CEP78: variants seen among roughly 807,000 people sequenced by gnomAD.
CEP78 encodes the protein centrosomal protein 78.
CEP78 carries 76 observed loss-of-function variants against 81.2 expected under a neutral mutation model. That is an observed-to-expected ratio of 0.94 (90% CI 0.78 to 1.13). CEP78 has a LOEUF of 1.13. Ranked by LOEUF, CEP78 falls within the 50% of genes most tolerant of loss-of-function variation. The pLI, the probability that CEP78 is intolerant of heterozygous loss-of-function variation, is 0.00. For synonymous variants in CEP78, 293 were observed against 301.4 expected (o/e 0.97, Z 0.29); for missense variants, 918 against 846.8 (o/e 1.08, Z -1.04).
chr9:78,268,596 C>T (rs1361515160), intron 16 of CEP78, among the ~76,000 whole-genome samples: 8 of 152,002 alleles, frequency 5.3e-5, no homozygotes, highest in Admixed American at 5.2e-4. Flanking sequence ...GGGACTTATC[C>T]TCCCAATTCC....
Position 78,236,406 on chromosome 9 carries a change from A to G in CEP78, c.56A>G (p.Tyr19Cys), listed in dbSNP as rs945109292. Residue 19 changes from tyrosine (Y) to cysteine (C), a missense_variant, in exon 1 of 17, where the codon TAC becomes TGC. Physicochemically the swap from Tyr to Cys is radical, Grantham distance 194 (BLOSUM62 -2). Coordinates refer to ENST00000643273, the MANE Select transcript of CEP78 (RefSeq NM_001330691.3). ...RDSAADFFSH[Y>C]EYLCALQNSV... ...AGCGCGGCGGACTTCTTCTCCCACT[A>G]CGAGTACCTGTGCGCGCTGCAGAAC... 1.9e-6 allele frequency: 3 copies of G among 1,597,420 alleles called. No individual in the cohort carries two copies. The highest frequency in any genetic ancestry group is 8.5e-7 in the Non-Finnish European group (1 of 1,172,860).
At chr9:78,239,936 C>A in intron 1 of CEP78, 87 bp from the exon 2 acceptor site, 1 of 1,157,654 alleles carries the variant, frequency 8.6e-7, no homozygotes, top group Non-Finnish European at 1.2e-6. Flanking sequence ...GGACATGGCT[C>A]ATTTCTATGT....
At chr9:78,253,440 G>GC in intron 10 of CEP78, 163 bp downstream of exon 10, 2 of 564,740 alleles carry the variant, frequency 3.5e-6, no homozygotes, top group Admixed American at 3.0e-5. Context: ...CAGTATAGGC[G>GC]TGTGGATATG....
In CEP78 at chr9:78,275,843, A is replaced by G. The variant is rs1827792793; in HGVS notation, c.*4992A>G. The G allele has an allele frequency of 6.6e-6, 1 of 152,312 alleles. No homozygotes were observed. Among genetic ancestry groups the G allele is most frequent in the Non-Finnish European group, 1.5e-5 (1 of 68,248 alleles). 9.4% of individuals were successfully genotyped at this position (152,312 alleles called of 1,614,324 possible). A position where few individuals can be genotyped will look rare whatever the true frequency, so the allele number is the denominator to read the frequency against. Reference sequence around the variant, plus strand: ...GTGCATGTAGTCCCAGCCACTCAGGAGGCTGAAGTGGGAGGATCGCTTGAG... The same window carrying G: ...GTGCATGTAGTCCCAGCCACTCAGGGGGCTGAAGTGGGAGGATCGCTTGAG... On this transcript the variant is annotated 3_prime_UTR_variant, in exon 17 of 17. Coordinates refer to ENST00000643273, the MANE Select transcript of CEP78 (RefSeq NM_001330691.3).
intron 11 of CEP78, among the ~76,000 whole-genome samples, chr9:78,257,273 T>C (rs1423445593): frequency 6.6e-6 from 1 of 152,202 alleles, no homozygotes; most frequent in African/African-American, 2.4e-5. Flanking sequence ...TCAGCTACCA[T>C]GGATCCTGGA....
chr9:78,252,745 C>T (rs1206889207), intron 9 of CEP78, among the ~76,000 whole-genome samples: 1 of 152,188 alleles, frequency 6.6e-6, no homozygotes, highest in African/African-American at 2.4e-5. Context: ...TTCAATTGCT[C>T]AGATTAAATT....
chr9:78,255,684 T>C (rs1390332464), intron 11 of CEP78, among the ~76,000 whole-genome samples: 1 of 152,150 alleles, frequency 6.6e-6, no homozygotes, highest in Non-Finnish European at 1.5e-5. Flanking sequence ...ATAGAGAAAT[T>C]TTAAGATAAT....
At chr9:78,241,350 T>G (rs1826218739) in intron 3 of CEP78, among the ~76,000 whole-genome samples, 1 of 152,246 alleles carries the variant, frequency 6.6e-6, no homozygotes, top group Admixed American at 6.5e-5. Context: ...GATTGAGGTC[T>G]GCTCTTGGAA....
chr9:78,237,654 A>T (rs538763572), intron 1 of CEP78, among the ~76,000 whole-genome samples: 8 of 152,298 alleles, frequency 5.3e-5, no homozygotes, highest in Admixed American at 2.0e-4. Context: ...TTGTCCTGTC[A>T]TAGAGTTGGA....
intron 11 of CEP78, among the ~76,000 whole-genome samples, chr9:78,259,104 A>G (rs753078159): frequency 5.3e-5 from 8 of 152,248 alleles, no homozygotes; most frequent in Non-Finnish European, 8.8e-5. Flanking sequence ...TAAAAATTAG[A>G]TTGCATTTGT....
rs1469536092 is a variant in CEP78 at position 78,267,093 on chromosome 9, T to C, written c.2107+390T>C. On this transcript the variant is annotated intron_variant, in intron 16 of 16. Coordinates refer to ENST00000643273, the MANE Select transcript of CEP78 (RefSeq NM_001330691.3). Reference sequence around the variant, plus strand: ...TTATGGCATATGGTGTCTTAAAATATAGGATTGGAAGCCACTAAAGGAAGA... The same window carrying C: ...TTATGGCATATGGTGTCTTAAAATACAGGATTGGAAGCCACTAAAGGAAGA... The C allele has an allele frequency of 7.6e-6, 8 of 1,059,392 alleles. No homozygotes were observed. In the Admixed American group the frequency reaches 1.2e-4, roughly 16 times the overall value. 65.6% of individuals were successfully genotyped at this position (1,059,392 alleles called of 1,614,324 possible).
intron 11 of CEP78, among the ~76,000 whole-genome samples, chr9:78,259,921 C>G (rs1827199014): frequency 6.6e-6 from 1 of 152,214 alleles, no homozygotes; most frequent in Non-Finnish European, 1.5e-5. Context: ...TAGAGAAAAA[C>G]ACACATTCTG....
intron 11 of CEP78, among the ~76,000 whole-genome samples, chr9:78,258,664 C>T (rs1335105675): frequency 6.6e-6 from 1 of 151,964 alleles, no homozygotes; most frequent in African/African-American, 2.4e-5. Context: ...TTACCTAATA[C>T]GTTATTTAGA....
At chr9:78,270,093 T>C (rs1194540702) in intron 16 of CEP78, among the ~76,000 whole-genome samples, 1 of 152,206 alleles carries the variant, frequency 6.6e-6, no homozygotes, top group African/African-American at 2.4e-5. Flanking sequence ...TGGGGTCACA[T>C]TGTAAAATAT....
chr9:78,245,145 T>C (rs1297717203), intron 5 of CEP78, among the ~76,000 whole-genome samples: 1 of 152,016 alleles, frequency 6.6e-6, no homozygotes, highest in African/African-American at 2.4e-5. Context: ...GTGTGTCTTG[T>C]GGTGTCTTAG....
Position 78,240,343 on chromosome 9 carries a change from A to G in CEP78, c.478A>G (p.Ile160Val), listed in dbSNP as rs753099974. The G allele has an allele frequency of 1.1e-5, 18 of 1,589,006 alleles. No individual in the cohort carries two copies. Among genetic ancestry groups the G allele is most frequent in the East Asian group, 1.1e-4 (5 of 44,438 alleles). Residue 160 changes from isoleucine (I) to valine (V), a missense_variant, in exon 3 of 17, where the codon ATT (isoleucine) becomes GTT (valine). Physicochemically the swap from Ile to Val is conservative, Grantham distance 29. Coordinates refer to ENST00000643273, the MANE Select transcript of CEP78 (RefSeq NM_001330691.3). ...LVHLSLANCP[I>V]GDGGLEIICQ... ...GCACCTGTCTCTTGCAAATTGTCCA[A>G]TTGGAGATGGAGGTTTAGAAAGTGA...
chr9:78,266,750 C>A (rs772875398), intron 16 of CEP78, 47 bp downstream of exon 16: 1 of 1,604,234 alleles, frequency 6.2e-7, no homozygotes, highest in Non-Finnish European at 8.5e-7. Context: ...CTGGAAAGGA[C>A]CTGCATTCCT....
At position 78,278,790 on chromosome 9, in the gene CEP78, A is replaced by G. The variant is rs528552556; in HGVS notation, c.*7939A>G. The G allele has an allele frequency of 3.3e-5, 5 of 152,318 alleles. No individual in the cohort carries two copies. The South Asian group carries it at 6.2e-4, about 19-fold the overall frequency. The allele number at this position is 152,318 out of a possible 1,614,324, so 9.4% of individuals were successfully genotyped here. ...CCTTCCTTGAGCTCTTTAACTCTCT[A>G]TAGTCTTCTGGTAATTTTCTTTAGA... is the stretch of plus-strand genomic sequence containing the variant. On this transcript the variant is annotated 3_prime_UTR_variant, in exon 17 of 17. Coordinates refer to ENST00000643273, the MANE Select transcript of CEP78 (RefSeq NM_001330691.3).
intron 14 of CEP78, among the ~76,000 whole-genome samples, 154 bp downstream of exon 14, chr9:78,265,697 G>A (rs755756478): frequency 2.0e-5 from 3 of 152,112 alleles, no homozygotes; most frequent in Admixed American, 1.3e-4. Context: ...GTAAGTTTGT[G>A]CCCATTTCCT....
Sources: allele counts gnomAD v4.1 joint callset (sites outside exome capture counted in the v4.1 genomes callset), GRCh38; gene constraint gnomAD v4.1.1; transcripts MANE v1.5; gene names NCBI Gene and HGNC (gene_info 2026-07-23, HGNC 2026-07-21).